The following XKR3 variants were observed in gnomAD, a reference collection of about 807,000 sequenced individuals.
XKR3 encodes XK-related protein 3.
XKR3 carries 27 observed loss-of-function variants against 40.3 expected under a neutral mutation model. The observed-to-expected ratio is 0.67, with a 90% CI of 0.49 to 0.92. The LOEUF (loss-of-function observed/expected upper bound fraction) is 0.92, where lower values mean the gene tolerates loss of function less well. XKR3 is among the 40% of genes least tolerant of loss of function. XKR3 has a pLI of 0.00. For missense variants in XKR3, 472 were observed against 537.6 expected, an observed-to-expected ratio of 0.88 and a Z score of 1.21; for synonymous variants, 193 against 195.4, an observed-to-expected ratio of 0.99 and a Z score of 0.10.
At chr22:16,803,000 G>C (rs1011304625) in intron 2 of XKR3, among the ~76,000 whole-genome samples, 3 of 152,004 alleles carry the variant, frequency 2.0e-5, no homozygotes, top group African/African-American at 7.2e-5. Flanking sequence ...TCGTGGAGAG[G>C]ATGTTAAGCT....
At position 16,816,102 on chromosome 22, in the gene XKR3, T is replaced by A. The variant is rs117599038; in HGVS notation, c.-10-8019A>T. On this transcript the variant is annotated intron_variant, in intron 1 of 3. Coordinates refer to ENST00000684488, the MANE Select transcript of XKR3 (RefSeq NM_001386955.1). ...CCCAAGTAAAAGCATATTTTCTCAATCCAGTGTTAGAGTATTTAATATTTT... is the reference window on the plus strand; with the variant it reads ...CCCAAGTAAAAGCATATTTTCTCAAACCAGTGTTAGAGTATTTAATATTTT... Among the ~76,000 whole-genome samples, 55 of 152,056 alleles carry A rather than the reference T, an allele frequency of 3.6e-4. No homozygotes were observed. In the East Asian group the frequency reaches 8.5e-3, roughly 23 times the overall value.
chr22:16,803,613 A>G (rs1258173336), intron 2 of XKR3, among the ~76,000 whole-genome samples: 5 of 152,232 alleles, frequency 3.3e-5, no homozygotes, highest in Non-Finnish European at 7.3e-5. Flanking sequence ...ACTTCCTAAT[A>G]AAACAGGTTG....
intron 1 of XKR3, among the ~76,000 whole-genome samples, chr22:16,814,883 C>T (rs1228654568): frequency 2.0e-5 from 3 of 151,444 alleles, no homozygotes; most frequent in African/African-American, 7.3e-5. Flanking sequence ...AAGATCATGT[C>T]ATCTGCAAAC....
At position 16,798,191 on chromosome 22, in the gene XKR3, A is replaced by C. The variant is rs535525066; in HGVS notation, c.589+1580T>G. 8.0e-5 allele frequency among the ~76,000 whole-genome samples: 12 copies of C among 150,568 alleles called. No homozygotes were observed. The South Asian group carries it at 1.0e-3, about 13-fold the overall frequency. On this transcript the variant is annotated intron_variant, in intron 3 of 3. Transcript: ENST00000684488. ...GTGAAACTCCATCTCAAAAAAAAAA[A>C]AACAACAACAACAAAAACCCCCACA...
intron 1 of XKR3, among the ~76,000 whole-genome samples, chr22:16,819,880 T>A (rs2060248699): frequency 6.6e-6 from 1 of 152,078 alleles, no homozygotes; most frequent in Admixed American, 6.5e-5. Flanking sequence ...TATACCTAGG[T>A]AAAAATTAAT....
At chr22:16,822,483 C>T (rs2060261034) in intron 1 of XKR3, among the ~76,000 whole-genome samples, 1 of 152,072 alleles carries the variant, frequency 6.6e-6, no homozygotes. Flanking sequence ...AGCACATTAA[C>T]TGTAAATGGC....
At chr22:16,787,929 T>C (rs1320550456) in intron 3 of XKR3, among the ~76,000 whole-genome samples, 4 of 152,142 alleles carry the variant, frequency 2.6e-5, no homozygotes, top group Non-Finnish European at 4.4e-5. Context: ...AATGAATAGA[T>C]CATGCAGACA....
At chr22:16,812,996 G>A (rs529458278) in intron 1 of XKR3, among the ~76,000 whole-genome samples, 1 of 151,954 alleles carries the variant, frequency 6.6e-6, no homozygotes, top group African/African-American at 2.4e-5. Context: ...AGAAGATAAA[G>A]ATAATGGGCC....
chr22:16,796,962 C>T (rs1280734043), intron 3 of XKR3, among the ~76,000 whole-genome samples: 11 of 152,220 alleles, frequency 7.2e-5, no homozygotes, highest in African/African-American at 2.6e-4. Context: ...AGCACTGGGG[C>T]AAAAATAGAC....
intron 1 of XKR3, among the ~76,000 whole-genome samples, chr22:16,812,552 G>A (rs559273916): frequency 2.6e-5 from 4 of 152,104 alleles, no homozygotes; most frequent in Non-Finnish European, 5.9e-5. Flanking sequence ...ATGTGCACCT[G>A]TAATCCCAGC....
intron 3 of XKR3, among the ~76,000 whole-genome samples, chr22:16,792,324 G>T (rs2060123804): frequency 6.6e-6 from 1 of 152,142 alleles, no homozygotes; most frequent in African/African-American, 2.4e-5. Context: ...AAATAATTAT[G>T]AACCTTGTTA....
intron 3 of XKR3, among the ~76,000 whole-genome samples, chr22:16,792,634 T>C (rs1601841018): frequency 6.6e-6 from 1 of 152,256 alleles, no homozygotes; most frequent in Non-Finnish European, 1.5e-5. Flanking sequence ...TATCTATTGA[T>C]TTGGCAAACA....
chr22:16,795,023 G>A (rs2060134685), intron 3 of XKR3, among the ~76,000 whole-genome samples: 1 of 152,126 alleles, frequency 6.6e-6, no homozygotes, highest in Non-Finnish European at 1.5e-5. Flanking sequence ...AGAAACTCTG[G>A]ACTTAAACTC....
intron 1 of XKR3, among the ~76,000 whole-genome samples, chr22:16,824,857 A>G (rs2060267925): frequency 6.6e-6 from 1 of 152,194 alleles, no homozygotes; most frequent in Non-Finnish European, 1.5e-5. Flanking sequence ...GGTCTTCCAG[A>G]GTCTAAAATT....
intron 3 of XKR3, among the ~76,000 whole-genome samples, chr22:16,784,766 A>T (rs1046671269): frequency 5.9e-4 from 89 of 151,664 alleles, no homozygotes; most frequent in African/African-American, 1.9e-3. Context: ...AGTCTCAATT[A>T]AAAAAAAATA....
At chr22:16,822,686 A>C (rs1160861559) in intron 1 of XKR3, among the ~76,000 whole-genome samples, 1 of 152,216 alleles carries the variant, frequency 6.6e-6, no homozygotes, top group Non-Finnish European at 1.5e-5. Context: ...GACAAAGTAG[A>C]GCAAAAAAAA....
At chr22:16,818,038 A>T (rs2060240911) in intron 1 of XKR3, among the ~76,000 whole-genome samples, 1 of 152,092 alleles carries the variant, frequency 6.6e-6, no homozygotes, top group African/African-American at 2.4e-5. Context: ...TATATTATTT[A>T]TATGCTATAA....
At chr22:16,795,534 G>A (rs5748637) in intron 3 of XKR3, among the ~76,000 whole-genome samples, 20,612 of 151,976 alleles carry the variant, frequency 0.14, 1,414 homozygotes, top group Middle Eastern at 0.18. Flanking sequence ...TCTAGCAGAA[G>A]AAAATAACTA....
chr22:16,801,607 G>A (rs558571783), intron 2 of XKR3, among the ~76,000 whole-genome samples: 4 of 151,744 alleles, frequency 2.6e-5, no homozygotes, highest in South Asian at 2.1e-4. Context: ...TAGACTAAAC[G>A]TACATGTTCA....
Sources: gnomAD v4.1 joint callset for allele counts (sites outside exome capture counted in the v4.1 genomes callset) on GRCh38, gnomAD v4.1.1 for gene constraint, MANE v1.5 for transcripts, NCBI Gene and HGNC (gene_info 2026-07-23, HGNC 2026-07-21) for gene names.